Variants in GBE1 observed in about 807,000 individuals in gnomAD.
GBE1 encodes 1,4-alpha-glucan-branching enzyme.
A neutral mutation model predicts 88.8 loss-of-function variants in GBE1; 70 were observed. That is an observed-to-expected ratio of 0.79 (90% confidence interval 0.65 to 0.96). The LOEUF is 0.96. Among genes scored for constraint, GBE1 ranks in the 40% least tolerant of loss-of-function variants. The pLI, the probability that GBE1 is intolerant of heterozygous loss-of-function variation, is 0.00. For synonymous variants in GBE1, 284 were observed against 300.1 expected (o/e 0.95, Z 0.56); for missense variants, 872 against 871.0 (o/e 1.00, Z -0.01).
At chr3:81,639,801 C>A (rs888443258) in intron 7 of GBE1, among the ~76,000 whole-genome samples, 1 of 152,096 alleles carries the variant, frequency 6.6e-6, no homozygotes, top group Non-Finnish European at 1.5e-5. Flanking sequence ...ACAACCAAGG[C>A]TGAGCTCCTA....
intron 14 of GBE1, among the ~76,000 whole-genome samples, chr3:81,523,604 G>A (rs1449460909): frequency 6.6e-6 from 1 of 151,512 alleles, no homozygotes; most frequent in Non-Finnish European, 1.5e-5. Flanking sequence ...ATCAAACTAT[G>A]CTTTTGTAGC....
intron 12 of GBE1, among the ~76,000 whole-genome samples, chr3:81,568,473 T>A (rs1413569988): frequency 1.3e-5 from 1 of 77,300 alleles, no homozygotes; most frequent in African/African-American, 5.7e-5. Context: ...TTGCAGGTTT[T>A]TTATTTGTTT....
chr3:81,594,506 T>G (rs1012393883), intron 7 of GBE1, among the ~76,000 whole-genome samples: 1 of 152,098 alleles, frequency 6.6e-6, no homozygotes, highest in African/African-American at 2.4e-5. Context: ...GTACTTTCAA[T>G]GACTTTTTGT....
At chr3:81,628,435 G>C (rs1408660256) in intron 7 of GBE1, among the ~76,000 whole-genome samples, 1 of 151,958 alleles carries the variant, frequency 6.6e-6, no homozygotes, top group East Asian at 1.9e-4. Context: ...CAAGAGCTCT[G>C]GGAAATCTGA....
chr3:81,621,164 C>T (rs1478775026), intron 7 of GBE1, among the ~76,000 whole-genome samples: 3 of 152,144 alleles, frequency 2.0e-5, no homozygotes, highest in Non-Finnish European at 2.9e-5. Context: ...AGTCACATGT[C>T]AAATTTGCAT....
At chr3:81,738,768 T>C (rs1240646320) in intron 1 of GBE1, among the ~76,000 whole-genome samples, 5 of 152,174 alleles carry the variant, frequency 3.3e-5, no homozygotes, top group Non-Finnish European at 7.4e-5. Flanking sequence ...TATTTAATCC[T>C]CATAAAATGT....
chr3:81,694,483 G>C (rs1705565119), intron 2 of GBE1, among the ~76,000 whole-genome samples: 1 of 152,170 alleles, frequency 6.6e-6, no homozygotes, highest in Non-Finnish European at 1.5e-5. Flanking sequence ...GGGCAAAGGA[G>C]GAGGGGAGAA....
At chr3:81,680,470 T>A (rs990182689) in intron 2 of GBE1, among the ~76,000 whole-genome samples, 2 of 133,292 alleles carry the variant, frequency 1.5e-5, no homozygotes, top group African/African-American at 5.8e-5. Flanking sequence ...CACTCCAGCC[T>A]GGGGACAGAG....
intron 2 of GBE1, among the ~76,000 whole-genome samples, chr3:81,682,574 T>C (rs544320521): frequency 6.6e-6 from 1 of 152,310 alleles, no homozygotes; most frequent in South Asian, 2.1e-4. Context: ...GAGATACCAC[T>C]TCATGCACAC....
At chr3:81,737,050 T>C (rs892735330) in intron 1 of GBE1, among the ~76,000 whole-genome samples, 4 of 151,554 alleles carry the variant, frequency 2.6e-5, no homozygotes, top group Admixed American at 6.6e-5. Flanking sequence ...ATGTACAGAA[T>C]AGCAAAATTC....
At chr3:81,522,087 T>C (rs892291556) in intron 14 of GBE1, among the ~76,000 whole-genome samples, 2 of 151,250 alleles carry the variant, frequency 1.3e-5, no homozygotes, top group African/African-American at 2.4e-5. Context: ...GGAGATGCAA[T>C]GGTAAGAGGT....
intron 12 of GBE1, among the ~76,000 whole-genome samples, chr3:81,545,224 T>C (rs1223195341): frequency 7.0e-6 from 1 of 141,910 alleles, no homozygotes; most frequent in East Asian, 2.4e-4. Context: ...GTGATTTTTC[T>C]TTAAAAAAAA....
chr3:81,509,702 CTTTGAGAAATAATTTCATACTACTTTGG>C (rs1702700407), intron 14 of GBE1: 1 of 151,780 alleles, frequency 6.6e-6, no homozygotes, highest in African/African-American at 2.4e-5. Flanking sequence ...TTTTGCTAAA[CTTTGAGAAATAATTTCATACTACTTTGG>C]TCATCAAAGA....
At chr3:81,571,584 T>C (rs1443511351) in intron 12 of GBE1, among the ~76,000 whole-genome samples, 1 of 152,176 alleles carries the variant, frequency 6.6e-6, no homozygotes, top group Non-Finnish European at 1.5e-5. Flanking sequence ...AGTGAAGCTA[T>C]ACTCATTTAA....
chr3:81,574,407 C>T (rs552298646), intron 12 of GBE1, among the ~76,000 whole-genome samples: 35 of 152,214 alleles, frequency 2.3e-4, no homozygotes, highest in Middle Eastern at 6.8e-3. Context: ...AACAATCTGA[C>T]GAAGCAGGCA....
chr3:81,711,853 T>C (rs559891259), intron 1 of GBE1, among the ~76,000 whole-genome samples: 2 of 152,094 alleles, frequency 1.3e-5, no homozygotes, highest in Admixed American at 6.5e-5. Context: ...GAAACTACCA[T>C]TGAAGTGAAC....
intron 1 of GBE1, among the ~76,000 whole-genome samples, chr3:81,750,527 A>ATATATATATATG (rs1706482329): frequency 1.2e-5 from 1 of 80,992 alleles, no homozygotes; most frequent in African/African-American, 7.7e-5. Context: ...AAACATTCAT[A>ATATATATATATG]TATATATATA....
intron 1 of GBE1, among the ~76,000 whole-genome samples, chr3:81,752,423 A>T (rs1209679620): frequency 1.3e-5 from 2 of 152,198 alleles, no homozygotes; most frequent in African/African-American, 4.8e-5. Flanking sequence ...TTCAGGAGGA[A>T]GAAAATCCCT....
intron 12 of GBE1, among the ~76,000 whole-genome samples, chr3:81,568,751 C>T (rs1480085306): frequency 1.3e-5 from 2 of 151,934 alleles, no homozygotes; most frequent in East Asian, 3.9e-4. Context: ...TATTGTGTGT[C>T]TGTATCTGTG....
Sources: allele counts gnomAD v4.1 joint callset (sites outside exome capture counted in the v4.1 genomes callset), GRCh38; gene constraint gnomAD v4.1.1; transcripts MANE v1.5; gene names NCBI Gene and HGNC (gene_info 2026-07-23, HGNC 2026-07-21).